GALM: variants seen among roughly 807,000 people sequenced by gnomAD.
GALM encodes the protein galactose mutarotase, also known as aldose 1-epimerase.
Under a neutral mutation model 37.4 loss-of-function variants are expected in GALM, and 43 were observed. The observed-to-expected ratio is 1.15, with a 90% CI of 0.90 to 1.48. The LOEUF (loss-of-function observed/expected upper bound fraction) is 1.48. Among genes scored for constraint, GALM ranks in the 40% most tolerant of loss-of-function variants. GALM has a pLI of 0.00. For synonymous variants in GALM, 199 were observed against 170.6 expected, an observed-to-expected ratio of 1.17 and a Z score of -1.30; for missense variants, 456 against 419.1, an observed-to-expected ratio of 1.09 and a Z score of -0.77.
chr2:38,675,699 G>C (rs1027701891), intron 1 of GALM, among the ~76,000 whole-genome samples: 6 of 151,652 alleles, frequency 4.0e-5, no homozygotes, highest in African/African-American at 1.5e-4. Flanking sequence ...CTCCCGAGTA[G>C]CTGGGACTAC....
In GALM at chr2:38,706,986, G is replaced by A. The variant is rs1377866605; in HGVS notation, c.634+17092G>A. ...ATATTTAGGAGGTAAAACTCAGGAG[G>A]CCTGAATTGAATGCATAGATGAGGA... On this transcript the variant is annotated intron_variant, in intron 4 of 6. Transcript: ENST00000272252. 7.9e-5 allele frequency among the ~76,000 whole-genome samples: 12 copies of A among 152,040 alleles called. No homozygotes were observed. In the South Asian group the frequency reaches 1.7e-3, roughly 21 times the overall value.
At position 38,675,791 on chromosome 2, in the gene GALM, G is replaced by A. The variant is rs538002001; in HGVS notation, c.191-121G>A. Reference sequence around the variant, plus strand: ...TCACCGTGTTAGCCAGGATGGTCTCGATCTCCTGACCTTGTGATCCGCCTG... The same window carrying A: ...TCACCGTGTTAGCCAGGATGGTCTCAATCTCCTGACCTTGTGATCCGCCTG... On this transcript the variant is annotated intron_variant, in intron 1 of 6. Transcript: ENST00000272252. 3.3e-4 allele frequency: 288 copies of A among 865,046 alleles called. 1 individual carries two copies. The African/African-American group carries it at 4.3e-3, about 13-fold the overall frequency. 53.6% of individuals were successfully genotyped at this position (865,046 alleles called of 1,614,324 possible).
chr2:38,693,439 C>T (rs541309712), intron 4 of GALM, among the ~76,000 whole-genome samples: 67 of 148,442 alleles, frequency 4.5e-4, no homozygotes, highest in African/African-American at 1.3e-3. Context: ...GCCCAGATCA[C>T]GCCACTTTAC....
chr2:38,668,642 T>C (rs534564420), intron 1 of GALM: 7 of 152,074 alleles, frequency 4.6e-5, no homozygotes, highest in African/African-American at 1.7e-4. Flanking sequence ...TTTAAAGTAA[T>C]AAGACTTGAC....
chr2:38,685,650 G>A (rs924190622), intron 3 of GALM, among the ~76,000 whole-genome samples: 3 of 152,176 alleles, frequency 2.0e-5, no homozygotes, highest in African/African-American at 7.2e-5. Flanking sequence ...TATTCCACCA[G>A]AGTAGATCAT....
chr2:38,673,217 T>C (rs1665160959), intron 1 of GALM, among the ~76,000 whole-genome samples: 1 of 152,150 alleles, frequency 6.6e-6, no homozygotes. Context: ...TGAGAGCCTC[T>C]CCATCCCTTG....
Position 38,733,508 on chromosome 2 carries a change from G to C in GALM, c.972G>C (p.Leu324=). Residue 324 remains leucine, a synonymous_variant, in exon 7 of 7, where the codon CTG becomes CTC. Transcript: ENST00000272252. Reference sequence around the variant, plus strand: ...CACAGCCCCGCTTCCCTCCTGTGCTGCTGAGGCCTGGTGAGGAGTATGACC... The same window carrying C: ...CACAGCCCCGCTTCCCTCCTGTGCTCCTGAGGCCTGGTGAGGAGTATGACC... The part of the protein sequence containing the change: ...AVNQPRFPPV[L]LRPGEEYDHT... The C allele has an allele frequency of 1.9e-6, 3 of 1,613,954 alleles. No homozygotes were observed. The highest frequency in any genetic ancestry group is 2.5e-6 in the Non-Finnish European group (3 of 1,179,912).
At chr2:38,696,633 G>A in intron 4 of GALM, among the ~76,000 whole-genome samples, 1 of 150,604 alleles carries the variant, frequency 6.6e-6, no homozygotes, top group Non-Finnish European at 1.5e-5. Context: ...GTCTCAACAT[G>A]GATTTTTTTT....
intron 4 of GALM, among the ~76,000 whole-genome samples, chr2:38,701,303 A>G (rs1163305610): frequency 1.3e-5 from 2 of 152,168 alleles, no homozygotes; most frequent in African/African-American, 4.8e-5. Flanking sequence ...GTGCACTACT[A>G]AGGATGTGTC....
At chr2:38,680,986 A>C (rs1031458807) in intron 2 of GALM, among the ~76,000 whole-genome samples, 6 of 152,124 alleles carry the variant, frequency 3.9e-5, no homozygotes, top group Non-Finnish European at 7.4e-5. Context: ...AAATGCAAAA[A>C]TTAGCCAGGT....
intron 4 of GALM, among the ~76,000 whole-genome samples, chr2:38,726,430 T>G (rs1357136349): frequency 2.0e-5 from 3 of 151,038 alleles, no homozygotes; most frequent in African/African-American, 7.3e-5. Flanking sequence ...TTTTCACCGT[T>G]TTAGCCGGGA....
intron 3 of GALM, chr2:38,682,284 TA>T (rs1442915772): frequency 6.6e-6 from 3 of 454,386 alleles, no homozygotes; most frequent in African/African-American, 4.0e-5. Context: ...TCAGACAGAA[TA>T]AAAAGCTTAG....
chr2:38,671,795 C>A (rs1316221139), intron 1 of GALM, among the ~76,000 whole-genome samples: 1 of 152,010 alleles, frequency 6.6e-6, no homozygotes. Context: ...AGTTCAAGAC[C>A]AGCCTGGGCA....
At chr2:38,684,454 C>A (rs774684954) in intron 3 of GALM, among the ~76,000 whole-genome samples, 11 of 152,096 alleles carry the variant, frequency 7.2e-5, no homozygotes, top group Non-Finnish European at 1.6e-4. Context: ...GGGAGCATCA[C>A]TGGAGCCCAG....
rs1184353626 is a variant in GALM at position 38,666,342 on chromosome 2, G to A, written c.181G>A (p.Glu61Lys). Residue 61 changes from glutamate to lysine, a missense_variant, in exon 1 of 7, where the codon GAG becomes AAG. Transcript: ENST00000272252. ...CTCGGACGTGGTGCTTGGCTTCGCC[G>A]AGTTGGAAGGTGGGTTGAACTGTGC... ...RASDVVLGFA[E>K]LEGYLQKQPY... The A allele has an allele frequency of 1.1e-5, 18 of 1,611,144 alleles. No individual in the cohort carries two copies. The highest frequency in any genetic ancestry group is 4.5e-5 in the East Asian group (2 of 44,764).
At chr2:38,685,083 C>G (rs1665488674) in intron 3 of GALM, among the ~76,000 whole-genome samples, 1 of 152,136 alleles carries the variant, frequency 6.6e-6, no homozygotes, top group South Asian at 2.1e-4. Context: ...TTTTTCATAT[C>G]TCTAATGTCC....
At chr2:38,730,561 G>A (rs369178384) in intron 5 of GALM, among the ~76,000 whole-genome samples, 15 of 152,020 alleles carry the variant, frequency 9.9e-5, no homozygotes, top group Admixed American at 3.3e-4. Flanking sequence ...CACTGCACCC[G>A]GTCAACAGTT....
chr2:38,695,946 G>T (rs1463870800), intron 4 of GALM, among the ~76,000 whole-genome samples: 1 of 151,962 alleles, frequency 6.6e-6, no homozygotes, highest in Non-Finnish European at 1.5e-5. Flanking sequence ...TGATCCACCC[G>T]CCTTAGCCTC....
At chr2:38,701,955 C>A (rs1665929847) in intron 4 of GALM, among the ~76,000 whole-genome samples, 1 of 152,216 alleles carries the variant, frequency 6.6e-6, no homozygotes, top group South Asian at 2.1e-4. Context: ...TCACTCCCCA[C>A]TGCCTTAATT....
Sources: allele counts gnomAD v4.1 joint callset (sites outside exome capture counted in the v4.1 genomes callset), GRCh38; gene constraint gnomAD v4.1.1; transcripts MANE v1.5; gene names NCBI Gene and HGNC (gene_info 2026-07-23, HGNC 2026-07-21).